SLC15A2: variants seen among roughly 807,000 people sequenced by gnomAD.
The protein encoded by SLC15A2 is kidney H(+)/peptide cotransporter.
SLC15A2 carries 77 observed loss-of-function variants against 95.5 expected under a neutral mutation model. The observed-to-expected ratio is 0.81, with a 90% confidence interval of 0.67 to 0.97. The LOEUF (loss-of-function observed/expected upper bound fraction) is 0.97, where lower values mean the gene tolerates loss of function less well. Among genes scored for constraint, SLC15A2 ranks in the 50% least tolerant of loss-of-function variants. SLC15A2 has a pLI of 0.00. For synonymous variants in SLC15A2, 306 were observed against 306.9 expected, an observed-to-expected ratio of 1.00 and a Z score of 0.03; for missense variants, 893 against 874.4, an observed-to-expected ratio of 1.02 and a Z score of -0.27.
At chr3:121,927,591 C>A in intron 13 of SLC15A2, 167 bp from the exon 14 acceptor site, 1 of 566,028 alleles carries the variant, frequency 1.8e-6, no homozygotes, top group East Asian at 2.9e-5. Context: ...GCTACAGAAC[C>A]ATAAGCCAAT....
At position 121,941,847 on chromosome 3, in the gene SLC15A2, T is replaced by A. The variant is rs946413831; in HGVS notation, c.*840T>A. 6.6e-5 allele frequency: 10 copies of A among 152,206 alleles called. No individual in the cohort carries two copies. Among genetic ancestry groups the A allele is most frequent in the African/African-American group, 2.2e-4 (9 of 41,454 alleles). The allele number at this position is 152,206 out of a possible 1,614,324, so 9.4% of individuals were successfully genotyped here. ...CTTCAGTGAACAGTTGTATAAACAA[T>A]AATTATAATTTGCAACCTTGTCTTG... On this transcript the variant is annotated 3_prime_UTR_variant, in exon 22 of 22. Coordinates refer to ENST00000489711, the MANE Select transcript of SLC15A2 (RefSeq NM_021082.4).
chr3:121,905,884 T>C lies in SLC15A2; in HGVS notation c.336-5690T>C, dbSNP rs1462977773. ...TAGGTCCACTTGGTGCAGAGCTGAG[T>C]TCATGTCCTGTATATCCTTGTTAAC... On this transcript the variant is annotated intron_variant, in intron 3 of 21. Transcript: ENST00000489711. 3.3e-5 allele frequency among the ~76,000 whole-genome samples: 5 copies of C among 152,146 alleles called. No homozygotes were observed. In the East Asian group the frequency reaches 7.7e-4, roughly 23 times the overall value.
At chr3:121,922,695 G>C in intron 8 of SLC15A2, 80 bp from the exon 9 acceptor site, 1 of 928,968 alleles carries the variant, frequency 1.1e-6, no homozygotes, top group South Asian at 1.6e-5. Flanking sequence ...TATGGTGTTT[G>C]AAGGAAGGTA....
At chr3:121,912,754 G>A (rs1709796233) in intron 4 of SLC15A2, among the ~76,000 whole-genome samples, 1 of 152,050 alleles carries the variant, frequency 6.6e-6, no homozygotes, top group African/African-American at 2.4e-5. Context: ...GTTTCTATCG[G>A]ATGCTCATAA....
intron 18 of SLC15A2, 67 bp from the exon 19 acceptor site, chr3:121,931,572 C>A: frequency 1.0e-6 from 1 of 967,558 alleles, no homozygotes; most frequent in South Asian, 1.4e-5. Context: ...AGATCACTTT[C>A]ACCTGGAGAT....
chr3:121,906,984 C>T (rs1379435281), intron 3 of SLC15A2, among the ~76,000 whole-genome samples: 1 of 152,200 alleles, frequency 6.6e-6, no homozygotes, highest in Non-Finnish European at 1.5e-5. Flanking sequence ...ATTTCAGGTA[C>T]ACCAATCAAA....
chr3:121,930,973 C>CA (rs766799193), intron 18 of SLC15A2, 23 bp downstream of exon 18: 2 of 1,456,286 alleles, frequency 1.4e-6, no homozygotes, highest in African/African-American at 2.8e-5. Flanking sequence ...CCCCTGTGGA[C>CA]ATTTTACTTT....
intron 3 of SLC15A2, among the ~76,000 whole-genome samples, chr3:121,902,441 T>C (rs923642099): frequency 1.2e-4 from 18 of 152,272 alleles, no homozygotes; most frequent in Middle Eastern, 3.4e-3. Flanking sequence ...ACATGTGCCA[T>C]GTTGGTTTGT....
intron 19 of SLC15A2, among the ~76,000 whole-genome samples, chr3:121,934,059 G>T (rs2107608559): frequency 6.6e-6 from 1 of 151,764 alleles, no homozygotes; most frequent in Admixed American, 6.6e-5. Context: ...GTTTGTCAAA[G>T]ATCAGATAGT....
At chr3:121,921,333 G>T (rs1417343535) in intron 7 of SLC15A2, among the ~76,000 whole-genome samples, 5 of 152,168 alleles carry the variant, frequency 3.3e-5, no homozygotes, top group Non-Finnish European at 7.3e-5. Context: ...ACAGTATGTG[G>T]TGTAAGAATT....
chr3:121,910,809 C>G (rs947394984), intron 3 of SLC15A2, among the ~76,000 whole-genome samples: 12 of 152,158 alleles, frequency 7.9e-5, no homozygotes, highest in Non-Finnish European at 1.6e-4. Flanking sequence ...ATGTGTGAAT[C>G]TCTCTATATG....
chr3:121,936,477 A>G (rs979937915), intron 19 of SLC15A2, among the ~76,000 whole-genome samples: 1 of 152,068 alleles, frequency 6.6e-6, no homozygotes, highest in Non-Finnish European at 1.5e-5. Context: ...TATTTAGGAT[A>G]GTTAGCTCTT....
At chr3:121,896,963 T>A (rs1709429360) in intron 2 of SLC15A2, among the ~76,000 whole-genome samples, 1 of 148,268 alleles carries the variant, frequency 6.7e-6, no homozygotes, top group African/African-American at 2.5e-5. Context: ...ACATTTTTCA[T>A]ACCTGTTCCT....
chr3:121,935,225 CT>C (rs1193867632), intron 19 of SLC15A2, among the ~76,000 whole-genome samples: 1 of 152,122 alleles, frequency 6.6e-6, no homozygotes, highest in Admixed American at 6.5e-5. Flanking sequence ...CTAAAATTCT[CT>C]TTTTTGGTTG....
rs1432752473 is a variant in SLC15A2, at chr3:121,897,444, T to C, written c.250T>C (p.Ser84Pro). The C allele has an allele frequency of 6.2e-7, 1 of 1,613,952 alleles. No individual in the cohort carries two copies. Among genetic ancestry groups the C allele is most frequent in the Non-Finnish European group, 8.5e-7 (1 of 1,179,992 alleles). Residue 84 changes from serine (S) to proline (P), a missense_variant, in exon 3 of 22, where the codon TCT becomes CCT. Ser to Pro is a moderately conservative substitution (Grantham distance 74, BLOSUM62 -1). Coordinates refer to ENST00000489711, the MANE Select transcript of SLC15A2 (RefSeq NM_021082.4). ...FLHWNEDTST[S>P]IYHAFSSLCY... is the part of the protein sequence containing the mutation. ...GCACTGGAATGAAGATACCTCCACATCTATATACCATGCCTTCAGCAGCCT... is the reference window on the plus strand; with the variant it reads ...GCACTGGAATGAAGATACCTCCACACCTATATACCATGCCTTCAGCAGCCT...
rs1710505322 is a variant in SLC15A2 at position 121,943,953 on chromosome 3, A to G, written c.*2946A>G. 1 of 152,200 alleles carries G rather than the reference A, an allele frequency of 6.6e-6. No individual in the cohort carries two copies. Among genetic ancestry groups the G allele is most frequent in the Admixed American group, 6.5e-5 (1 of 15,274 alleles). 9.4% of individuals were successfully genotyped at this position (152,200 alleles called of 1,614,324 possible). A position where few individuals can be genotyped will look rare whatever the true frequency, so the allele number is the denominator to read the frequency against. On this transcript the variant is annotated 3_prime_UTR_variant, in exon 22 of 22. Coordinates refer to ENST00000489711, the MANE Select transcript of SLC15A2 (RefSeq NM_021082.4). Reference sequence around the variant, plus strand: ...AAAACTTTACACATTATATAGATGTATCAAATTATTCATATGTGCTCTGAA... The same window carrying G: ...AAAACTTTACACATTATATAGATGTGTCAAATTATTCATATGTGCTCTGAA...
At chr3:121,916,621 T>C (rs1171676417) in intron 7 of SLC15A2, among the ~76,000 whole-genome samples, 1 of 152,010 alleles carries the variant, frequency 6.6e-6, no homozygotes, top group Non-Finnish European at 1.5e-5. Context: ...CCAAATATTT[T>C]CCCAAATATT....
At chr3:121,914,386 C>G (rs978107521) in intron 5 of SLC15A2, among the ~76,000 whole-genome samples, 3 of 152,108 alleles carry the variant, frequency 2.0e-5, no homozygotes, top group Non-Finnish European at 4.4e-5. Flanking sequence ...GGTAACTGCT[C>G]CACAAAGATA....
intron 7 of SLC15A2, among the ~76,000 whole-genome samples, chr3:121,919,912 G>A (rs971542132): frequency 5.9e-5 from 9 of 152,208 alleles, no homozygotes; most frequent in East Asian, 1.9e-4. Flanking sequence ...GCGGATAGGA[G>A]GAGGAATATC....
Sources: allele counts gnomAD v4.1 joint callset (sites outside exome capture counted in the v4.1 genomes callset), GRCh38; gene constraint gnomAD v4.1.1; transcripts MANE v1.5; gene names NCBI Gene and HGNC (gene_info 2026-07-23, HGNC 2026-07-21).